SEC31B: variants seen among roughly 807,000 people sequenced by gnomAD.
The protein encoded by SEC31B is SEC31 homolog B, COPII component.
In SEC31B, 113 loss-of-function variants were observed where a neutral mutation model predicts 135.0. The ratio of observed to expected loss-of-function variants is 0.84; its 90% CI spans 0.72 to 0.98. The LOEUF (loss-of-function observed/expected upper bound fraction) is 0.98, where lower values mean the gene tolerates loss of function less well. Among genes scored for constraint, SEC31B ranks in the 50% least tolerant of loss-of-function variants. SEC31B has a pLI of 0.00. For missense variants in SEC31B, 1,296 were observed against 1,421.1 expected, an observed-to-expected ratio of 0.91 and a Z score of 1.42; for synonymous variants, 508 against 549.4, an observed-to-expected ratio of 0.92 and a Z score of 1.05.
At chr10:100,501,896 C>T (rs1350091141) in intron 11 of SEC31B, among the ~76,000 whole-genome samples, 4 of 152,254 alleles carry the variant, frequency 2.6e-5, no homozygotes, top group Non-Finnish European at 5.9e-5. Context: ...CTCTTTTTCT[C>T]TTTCCTCCCT....
intron 15 of SEC31B, 71 bp from the exon 16 acceptor site, chr10:100,497,864 GC>G: frequency 6.2e-7 from 1 of 1,611,160 alleles, no homozygotes. Flanking sequence ...TCCTGCACAG[GC>G]CTCCTGTTAG....
Position 100,499,452 on chromosome 10 carries a change from G to C in SEC31B, c.1485+72C>G, listed in dbSNP as rs946334058. The C allele has an allele frequency of 1.8e-5, 23 of 1,281,642 alleles. No homozygotes were observed. In the Admixed American group the frequency reaches 4.1e-4, roughly 23 times the overall value. The allele number at this position is 1,281,642 out of a possible 1,614,324, so 79.4% of individuals were successfully genotyped here. On this transcript the variant is annotated intron_variant, in intron 12 of 25. Transcript: ENST00000370345. ...ATAAGGCCAGGAAGAGGTATTCTGAGGTGGTTTACTCTGGCAACATTCTCT... is the reference window on the plus strand; with the variant it reads ...ATAAGGCCAGGAAGAGGTATTCTGACGTGGTTTACTCTGGCAACATTCTCT...
intron 5 of SEC31B, chr10:100,508,367 T>C: frequency 3.8e-6 from 2 of 520,588 alleles, no homozygotes; most frequent in South Asian, 3.2e-5. Flanking sequence ...AGGAGGAAGA[T>C]GAGGGAGGGA....
chr10:100,496,456 T>TG, intron 17 of SEC31B, 25 bp from the exon 18 acceptor site: 1 of 1,612,826 alleles, frequency 6.2e-7, no homozygotes, highest in Non-Finnish European at 8.5e-7. Flanking sequence ...ATGAGGGTGG[T>TG]AAGCCTTCAA....
intron 11 of SEC31B, among the ~76,000 whole-genome samples, chr10:100,501,170 G>A (rs993839270): frequency 6.6e-6 from 1 of 151,876 alleles, no homozygotes; most frequent in Non-Finnish European, 1.5e-5. Flanking sequence ...GCTTGAACCC[G>A]GGAGGCAGAA....
intron 15 of SEC31B, 95 bp from the exon 16 acceptor site, chr10:100,497,888 G>A: frequency 4.4e-6 from 7 of 1,600,678 alleles, no homozygotes; most frequent in Non-Finnish European, 5.1e-6. Context: ...CACTGAGTAG[G>A]GGCAAGGGAT....
chr10:100,509,396 A>C lies in SEC31B; in HGVS notation c.319T>G (p.Ser107Ala), dbSNP rs200843487. Reference sequence around the variant, plus strand: ...GCAATCACAGGCTCCTTCCCCGAAGACAGGATGTGGGTCACATTGTATAGA... The same window carrying C: ...GCAATCACAGGCTCCTTCCCCGAAGCCAGGATGTGGGTCACATTGTATAGA... ...LILYNVTHILSSGKEPVIAQK... is the reference protein window; with the variant it reads ...LILYNVTHILASGKEPVIAQK... Residue 107 changes from serine (S) to alanine (A), a missense_variant, in exon 4 of 26, where the codon TCT (serine) becomes GCT (alanine). By Grantham distance (99) the Ser-to-Ala change is moderately conservative. Coordinates refer to ENST00000370345, the MANE Select transcript of SEC31B (RefSeq NM_015490.4). The C allele has an allele frequency of 7.4e-6, 12 of 1,614,202 alleles. No homozygotes were observed. The highest frequency in any genetic ancestry group is 1.0e-5 in the Non-Finnish European group (12 of 1,180,032).
At position 100,487,452 on chromosome 10, in the gene SEC31B, G is replaced by C; in HGVS notation, c.*164C>G. 1 of 657,584 alleles carries C rather than the reference G, an allele frequency of 1.5e-6. No individual in the cohort carries two copies. Among genetic ancestry groups the C allele is most frequent in the East Asian group, 2.7e-5 (1 of 36,576 alleles). The allele number at this position is 657,584 out of a possible 1,614,324, so 40.7% of individuals were successfully genotyped here. On this transcript the variant is annotated 3_prime_UTR_variant, in exon 26 of 26. Coordinates refer to ENST00000370345, the MANE Select transcript of SEC31B (RefSeq NM_015490.4). ...AAGGCCAGACATAAAGGAGTAAAAAGCAGGCACTCAGCTGGTTTGGAGCCA... is the reference window on the plus strand; with the variant it reads ...AAGGCCAGACATAAAGGAGTAAAAACCAGGCACTCAGCTGGTTTGGAGCCA...
intron 1 of SEC31B, among the ~76,000 whole-genome samples, chr10:100,519,124 A>C (rs1851901250): frequency 6.6e-6 from 1 of 152,232 alleles, no homozygotes; most frequent in South Asian, 2.1e-4. Context: ...AACCCCCATC[A>C]GCATCAAGAG....
At chr10:100,519,484 G>A (rs1851910939) in intron 1 of SEC31B, among the ~76,000 whole-genome samples, 1 of 152,260 alleles carries the variant, frequency 6.6e-6, no homozygotes, top group African/African-American at 2.4e-5. Flanking sequence ...GACACCGGAC[G>A]GCCTCGGCTG....
At position 100,490,711 on chromosome 10, in the gene SEC31B, C is replaced by G. The variant is rs758480612; in HGVS notation, c.2645G>C (p.Arg882Thr). ...ATCTTCAGTGACTCACTCACCAGGC[C>G]TTACCCCAGGGCTCAAAGGCAAAGG... is the stretch of plus-strand genomic sequence containing the variant. ...IQPLPLSPGV[R>T]PASSQPQLLG... The change falls in exon 20 of 26, where the codon AGG (arginine) becomes ACG (threonine). Residue 882 changes from arginine to threonine, a missense_variant. Physicochemically the swap from Arg to Thr is moderately conservative, Grantham distance 71 (BLOSUM62 -1). Transcript: ENST00000370345. 2 of 1,584,974 alleles carry G rather than the reference C, an allele frequency of 1.3e-6. No homozygotes were observed. The highest frequency in any genetic ancestry group is 2.3e-5 in the South Asian group (2 of 87,180).
intron 10 of SEC31B, among the ~76,000 whole-genome samples, chr10:100,503,249 C>A (rs192511798): frequency 5.9e-5 from 9 of 152,194 alleles, no homozygotes; most frequent in African/African-American, 1.7e-4. Context: ...AAAACAGGAC[C>A]TTAGAAAAAC....
chr10:100,493,824 G>A (rs1851351667), intron 19 of SEC31B, among the ~76,000 whole-genome samples: 1 of 152,204 alleles, frequency 6.6e-6, no homozygotes, highest in African/African-American at 2.4e-5. Context: ...GGTTTTGATA[G>A]CGTACTGTGG....
intron 1 of SEC31B, 60 bp from the exon 2 acceptor site, chr10:100,517,057 T>C: frequency 3.7e-6 from 3 of 806,214 alleles, no homozygotes; most frequent in Non-Finnish European, 6.3e-6. Context: ...CGGACAAGAG[T>C]TCTTGTTTGT....
intron 3 of SEC31B, 57 bp from the exon 4 acceptor site, chr10:100,509,568 G>A (rs1331355945): frequency 7.2e-7 from 1 of 1,390,830 alleles, no homozygotes; most frequent in African/African-American, 1.4e-5. Context: ...AGTAAGCACA[G>A]GATGGGCATC....
chr10:100,513,932 C>G (rs1851778887), intron 3 of SEC31B, among the ~76,000 whole-genome samples: 1 of 151,998 alleles, frequency 6.6e-6, no homozygotes, highest in Non-Finnish European at 1.5e-5. Flanking sequence ...CGCCTATAAT[C>G]CCAGCACTTT....
intron 3 of SEC31B, among the ~76,000 whole-genome samples, chr10:100,513,502 T>C (rs1487472272): frequency 6.6e-6 from 1 of 152,174 alleles, no homozygotes; most frequent in Non-Finnish European, 1.5e-5. Context: ...GGTCTTGCTC[T>C]GTCACCCAGG....
rs1404303879 is a variant in SEC31B, at chr10:100,516,857, TCA to T, written c.79+15_79+16del. ...TTATGTACTCCCAGTGGATCCTAAT[TCA>T]CAGTGTCACCATACCTGTGGCCAGA... On this transcript the variant is annotated intron_variant, in intron 2 of 25. Transcript: ENST00000370345. 1 of 1,598,792 alleles carries T rather than the reference TCA, an allele frequency of 6.3e-7. No homozygotes were observed. The highest frequency in any genetic ancestry group is 8.6e-7 in the Non-Finnish European group (1 of 1,166,668).
At chr10:100,509,613 C>A in intron 3 of SEC31B, 102 bp from the exon 4 acceptor site, 1 of 916,512 alleles carries the variant, frequency 1.1e-6, no homozygotes, top group Non-Finnish European at 1.6e-6. Flanking sequence ...GGCAGCCCCA[C>A]CCCTAGCTGG....
Sources: gnomAD v4.1 joint callset for allele counts (sites outside exome capture counted in the v4.1 genomes callset) on GRCh38, gnomAD v4.1.1 for gene constraint, MANE v1.5 for transcripts, NCBI Gene and HGNC (gene_info 2026-07-23, HGNC 2026-07-21) for gene names.